The following CERS5 variants were observed in gnomAD, a reference collection of about 807,000 sequenced individuals.
CERS5 encodes the protein ceramide synthase 5, also known as LAG1 homolog, ceramide synthase 5.
A neutral mutation model predicts 58.9 loss-of-function variants in CERS5; 37 were observed. That is an observed-to-expected ratio of 0.63 (90% CI 0.48 to 0.83). The LOEUF is 0.83. Ranked by LOEUF, CERS5 falls within the 40% of genes least tolerant of loss-of-function variation. The pLI is 0.00. For synonymous variants in CERS5, 147 were observed against 177.8 expected (o/e 0.83, Z 1.38); for missense variants, 398 against 489.3 (o/e 0.81, Z 1.76).
At chr12:50,135,370 G>C (rs1951632436) in intron 8 of CERS5, 1 of 422,980 alleles carries the variant, frequency 2.4e-6, no homozygotes. Flanking sequence ...GACCAGAGCA[G>C]GAACACAAGC....
At chr12:50,141,119 C>A (rs1349676617) in intron 4 of CERS5, among the ~76,000 whole-genome samples, 1 of 152,096 alleles carries the variant, frequency 6.6e-6, no homozygotes, top group South Asian at 2.1e-4. Flanking sequence ...GGCTCCATCA[C>A]GGCTCACTGC....
chr12:50,142,143 G>A, intron 3 of CERS5, 33 bp from the exon 4 acceptor site: 1 of 1,461,120 alleles, frequency 6.8e-7, no homozygotes, highest in Non-Finnish European at 9.5e-7. Context: ...TTAGACAAAT[G>A]TCCACTCAAA....
chr12:50,135,594 C>G (rs776748477), intron 8 of CERS5, 138 bp downstream of exon 8: 1 of 770,248 alleles, frequency 1.3e-6, no homozygotes, highest in Admixed American at 1.8e-5. Context: ...AAGGTAAAAG[C>G]AGGGCAATAG....
intron 9 of CERS5, chr12:50,133,831 C>G: frequency 1.1e-6 from 1 of 917,294 alleles, no homozygotes; most frequent in Non-Finnish European, 1.3e-6. Flanking sequence ...CCCAGCACTT[C>G]GGGAGGCCAA....
At chr12:50,135,902 G>GAGA in intron 7 of CERS5, 39 bp downstream of exon 7, 2 of 1,582,124 alleles carry the variant, frequency 1.3e-6, no homozygotes. Flanking sequence ...AAGAAAAGAA[G>GAGA]AGAAGAAGAA....
At chr12:50,165,311 C>CGGGA in intron 1 of CERS5, 1 of 151,566 alleles carries the variant, frequency 6.6e-6, no homozygotes, top group Non-Finnish European at 1.5e-5. Context: ...TTCAGCTACT[C>CGGGA]GGGAGACTGA....
At chr12:50,161,580 C>T (rs544298048) in intron 1 of CERS5, among the ~76,000 whole-genome samples, 130 of 151,986 alleles carry the variant, frequency 8.6e-4, no homozygotes, top group Non-Finnish European at 1.5e-3. Flanking sequence ...AGTTCAAGAC[C>T]GGCCTGGCCA....
Position 50,134,615 on chromosome 12 carries a change from T to C in CERS5, c.960A>G (p.Leu320=), listed in dbSNP as rs762164254. 6.2e-7 allele frequency: 1 copy of C among 1,613,972 alleles called. No homozygotes were observed. The highest frequency in any genetic ancestry group is 2.2e-5 in the East Asian group (1 of 44,882). ...WWLLNGLLLT[L]QLLHVIWSYL... ...AGGACCAGATGACATGCAGAAGCTG[T>C]AGGGTCAGCAGCAGGCCATTGAGGA... is the stretch of plus-strand genomic sequence containing the variant. The change falls in exon 9 of 10, where the codon CTA becomes CTG. Residue 320 remains leucine, a synonymous_variant. Coordinates refer to ENST00000317551, the MANE Select transcript of CERS5 (RefSeq NM_147190.5).
At chr12:50,163,751 T>C (rs1296253836) in intron 1 of CERS5, among the ~76,000 whole-genome samples, 1 of 152,082 alleles carries the variant, frequency 6.6e-6, no homozygotes, top group African/African-American at 2.4e-5. Context: ...GTTCAAGCAA[T>C]CCTCCTGCCT....
At chr12:50,146,512 G>A (rs565334182) in intron 1 of CERS5, among the ~76,000 whole-genome samples, 24 of 152,036 alleles carry the variant, frequency 1.6e-4, no homozygotes, top group African/African-American at 2.4e-4. Context: ...TTCAGAGTTC[G>A]GTGAAAAGCA....
chr12:50,136,513 T>C (rs935635253), intron 6 of CERS5, among the ~76,000 whole-genome samples: 1 of 152,140 alleles, frequency 6.6e-6, no homozygotes, highest in Non-Finnish European at 1.5e-5. Context: ...AGACTCTCCC[T>C]TGGCTACCTA....
At chr12:50,133,222 T>G (rs1951433536) in intron 9 of CERS5, 1 of 1,141,310 alleles carries the variant, frequency 8.8e-7, no homozygotes, top group Non-Finnish European at 1.1e-6. Context: ...TTGGTCCTAG[T>G]ATCAGTACCT....
intron 9 of CERS5, among the ~76,000 whole-genome samples, chr12:50,131,146 T>C (rs1193567874): frequency 6.6e-6 from 1 of 152,262 alleles, no homozygotes; most frequent in African/African-American, 2.4e-5. Flanking sequence ...TCCCCAAAGC[T>C]GATCCATAAC....
intron 4 of CERS5, among the ~76,000 whole-genome samples, chr12:50,140,707 C>G (rs1351505817): frequency 6.6e-6 from 1 of 152,016 alleles, no homozygotes; most frequent in Non-Finnish European, 1.5e-5. Context: ...ATTTTATGGC[C>G]CAGCATTAGT....
At chr12:50,140,854 T>TC in intron 4 of CERS5, among the ~76,000 whole-genome samples, 1 of 151,830 alleles carries the variant, frequency 6.6e-6, no homozygotes, top group Non-Finnish European at 1.5e-5. Context: ...TTTTTTTTTT[T>TC]TGCCTAGGGT....
intron 1 of CERS5, chr12:50,165,919 C>A (rs895227422): frequency 2.2e-6 from 1 of 454,584 alleles, no homozygotes; most frequent in African/African-American, 2.0e-5. Flanking sequence ...ATATCACACA[C>A]CAAAGCCTCA....
At chr12:50,148,946 A>ATATATATATG (rs1420401358) in intron 1 of CERS5, among the ~76,000 whole-genome samples, 62 of 102,742 alleles carry the variant, frequency 6.0e-4, no homozygotes, top group Non-Finnish European at 8.8e-4. Context: ...ATATATATAT[A>ATATATATATG]TGTGTGTGTG....
rs1197474516 is a variant in CERS5, at chr12:50,156,437, T to TATATATATATATATATATAA, written c.197+10663_197+10664insTTATATATATATATATATAT. Among the ~76,000 whole-genome samples, 58 of 108,760 alleles carry TATATATATATATATATATAA rather than the reference T, an allele frequency of 5.3e-4. 4 individuals carry two copies. Among genetic ancestry groups the TATATATATATATATATATAA allele is most frequent in the Non-Finnish European group, 9.7e-4 (47 of 48,544 alleles). The allele number at this position is 108,760 out of a possible 152,430, so 71.4% of individuals were successfully genotyped here. On this transcript the variant is annotated intron_variant, in intron 1 of 9. Coordinates refer to ENST00000317551, the MANE Select transcript of CERS5 (RefSeq NM_147190.5). ...CAAACAAACTATATATATATATATATAAAACAATTAGTAGCCAGGTGTGGT... is the reference window on the plus strand; with the variant it reads ...CAAACAAACTATATATATATATATATATATATATATATATATATAAAAAACAATTAGTAGCCAGGTGTGGT...
At chr12:50,155,723 C>A (rs1159455936) in intron 1 of CERS5, among the ~76,000 whole-genome samples, 1 of 103,812 alleles carries the variant, frequency 9.6e-6, no homozygotes, top group African/African-American at 3.8e-5. Flanking sequence ...GGCGACAGAG[C>A]GAGACTCCAT....
Sources: gnomAD v4.1 joint callset for allele counts (sites outside exome capture counted in the v4.1 genomes callset) on GRCh38, gnomAD v4.1.1 for gene constraint, MANE v1.5 for transcripts, NCBI Gene and HGNC (gene_info 2026-07-23, HGNC 2026-07-21) for gene names.